Variants in TBC1D5 observed in about 807,000 individuals in gnomAD.
TBC1D5 encodes TBC1 domain family, member 5.
Under a neutral mutation model 100.3 loss-of-function variants are expected in TBC1D5, and 75 were observed. The observed-to-expected ratio is 0.75, with a 90% CI of 0.62 to 0.91. The LOEUF (loss-of-function observed/expected upper bound fraction) is 0.91, where lower values mean the gene tolerates loss of function less well. Among genes scored for constraint, TBC1D5 ranks in the 40% least tolerant of loss-of-function variants. The pLI, the probability that TBC1D5 is intolerant of heterozygous loss-of-function variation, is 0.00. For synonymous variants in TBC1D5, 323 were observed against 325.6 expected (o/e 0.99, Z 0.09); for missense variants, 910 against 942.4 (o/e 0.97, Z 0.45).
At chr3:17,483,468 C>G (rs2095524026) in intron 3 of TBC1D5, among the ~76,000 whole-genome samples, 1 of 152,146 alleles carries the variant, frequency 6.6e-6, no homozygotes, top group Admixed American at 6.6e-5. Context: ...GAGAAGAAAA[C>G]TCAAAACTTT....
At chr3:17,252,729 T>G (rs749265691) in intron 16 of TBC1D5, among the ~76,000 whole-genome samples, 1 of 152,190 alleles carries the variant, frequency 6.6e-6, no homozygotes, top group African/African-American at 2.4e-5. Context: ...CCTGGAAAAG[T>G]GCAGTTTTCC....
At chr3:17,243,889 T>C (rs923992016) in intron 16 of TBC1D5, among the ~76,000 whole-genome samples, 11 of 152,102 alleles carry the variant, frequency 7.2e-5, no homozygotes, top group African/African-American at 1.9e-4. Context: ...GCTTTGGTAA[T>C]GCATTAATTT....
At chr3:17,198,528 ATTAT>A (rs1173233212) in intron 18 of TBC1D5, among the ~76,000 whole-genome samples, 1 of 152,218 alleles carries the variant, frequency 6.6e-6, no homozygotes, top group African/African-American at 2.4e-5. Flanking sequence ...AAATTTACTC[ATTAT>A]TTATCTGAAA....
At chr3:17,340,666 C>T (rs1022360167) in intron 13 of TBC1D5, 2 of 152,150 alleles carry the variant, frequency 1.3e-5, no homozygotes, top group Non-Finnish European at 2.9e-5. Flanking sequence ...AGTGTTGTCC[C>T]TTGGAGTTTC....
At chr3:17,560,768 A>C (rs1320302042) in intron 2 of TBC1D5, among the ~76,000 whole-genome samples, 2 of 151,750 alleles carry the variant, frequency 1.3e-5, no homozygotes, top group African/African-American at 2.4e-5. Context: ...TAAAAATACA[A>C]AAATTAGCTG....
At chr3:17,465,065 A>G (rs942750274) in intron 3 of TBC1D5, 66 of 152,256 alleles carry the variant, frequency 4.3e-4, no homozygotes, top group African/African-American at 1.6e-3. Context: ...AAATTATTCT[A>G]CCAGTTGACA....
At chr3:17,490,042 A>G (rs2095618791) in intron 3 of TBC1D5, among the ~76,000 whole-genome samples, 1 of 152,110 alleles carries the variant, frequency 6.6e-6, no homozygotes, top group African/African-American at 2.4e-5. Context: ...CACCATTCTT[A>G]CTGGCATGAG....
intron 1 of TBC1D5, among the ~76,000 whole-genome samples, chr3:17,705,887 C>G (rs892681229): frequency 2.0e-5 from 3 of 151,982 alleles, no homozygotes; most frequent in Non-Finnish European, 4.4e-5. Flanking sequence ...TTTGGGAGGC[C>G]AAGGCAGGCG....
At chr3:17,507,708 C>G (rs1292392144) in intron 3 of TBC1D5, among the ~76,000 whole-genome samples, 1 of 152,042 alleles carries the variant, frequency 6.6e-6, no homozygotes, top group Non-Finnish European at 1.5e-5. Flanking sequence ...AATCTTGATA[C>G]CTGCATTCCA....
intron 2 of TBC1D5, among the ~76,000 whole-genome samples, chr3:17,594,321 A>G (rs2060426528): frequency 6.6e-6 from 1 of 152,210 alleles, no homozygotes; most frequent in Non-Finnish European, 1.5e-5. Context: ...CCTTGTGATT[A>G]AGGTCAATGG....
chr3:17,715,520 G>A (rs1322252054), intron 1 of TBC1D5, among the ~76,000 whole-genome samples: 1 of 152,188 alleles, frequency 6.6e-6, no homozygotes, highest in African/African-American at 2.4e-5. Context: ...AGTGGGACAT[G>A]GAGGCCAGGC....
chr3:17,708,654 G>T (rs2074407619), intron 1 of TBC1D5, among the ~76,000 whole-genome samples: 1 of 152,108 alleles, frequency 6.6e-6, no homozygotes, highest in Admixed American at 6.6e-5. Context: ...TCCCTTGAGG[G>T]GTAAAACCGC....
intron 2 of TBC1D5, among the ~76,000 whole-genome samples, chr3:17,521,272 T>C (rs1055181734): frequency 6.6e-6 from 1 of 152,130 alleles, no homozygotes; most frequent in Admixed American, 6.5e-5. Context: ...TGCATGTACC[T>C]CTCCTGAGAC....
chr3:17,454,554 G>A (rs1031383084), intron 3 of TBC1D5, among the ~76,000 whole-genome samples: 1 of 152,076 alleles, frequency 6.6e-6, no homozygotes, highest in Non-Finnish European at 1.5e-5. Context: ...CCGCCTCCCG[G>A]GTTCACGCCA....
intron 1 of TBC1D5, among the ~76,000 whole-genome samples, chr3:17,677,241 G>A (rs1399691268): frequency 6.6e-6 from 1 of 152,224 alleles, no homozygotes; most frequent in East Asian, 1.9e-4. Context: ...AAAAATTTTT[G>A]CAATCTACTC....
At chr3:17,722,735 C>T (rs1213631404) in intron 1 of TBC1D5, among the ~76,000 whole-genome samples, 1 of 152,230 alleles carries the variant, frequency 6.6e-6, no homozygotes, top group Non-Finnish European at 1.5e-5. Context: ...GAACAGTTGT[C>T]ACTTGAGCAT....
chr3:17,667,911 G>A (rs1182099482), intron 1 of TBC1D5, among the ~76,000 whole-genome samples: 1 of 151,226 alleles, frequency 6.6e-6, no homozygotes, highest in Non-Finnish European at 1.5e-5. Context: ...TTGTCTCCAG[G>A]AATATTTAAT....
chr3:17,185,325 C>A, intron 18 of TBC1D5, 117 bp from the exon 20 acceptor site: 2 of 718,224 alleles, frequency 2.8e-6, no homozygotes, highest in Non-Finnish European at 4.2e-6. Context: ...TAAACCTAGA[C>A]AAATCTAAAT....
At chr3:17,540,499 C>T (rs1318654370) in intron 2 of TBC1D5, among the ~76,000 whole-genome samples, 1 of 151,988 alleles carries the variant, frequency 6.6e-6, no homozygotes, top group Non-Finnish European at 1.5e-5. Flanking sequence ...TTTTTGTATA[C>T]TGTGTTAGTT....
Sources: allele counts gnomAD v4.1 joint callset (sites outside exome capture counted in the v4.1 genomes callset), GRCh38; gene constraint gnomAD v4.1.1; transcripts MANE v1.5; gene names NCBI Gene and HGNC (gene_info 2026-07-23, HGNC 2026-07-21).